SCYL3: variants seen among roughly 807,000 people sequenced by gnomAD.
SCYL3 encodes the protein protein-associating with the carboxyl-terminal domain of ezrin.
Under a neutral mutation model 73.8 loss-of-function variants are expected in SCYL3, and 35 were observed. The ratio of observed to expected loss-of-function variants is 0.47; its 90% CI spans 0.36 to 0.63. The LOEUF is 0.63. Among genes scored for constraint, SCYL3 ranks in the 20% least tolerant of loss-of-function variants. SCYL3 has a pLI of 0.00. For missense variants in SCYL3, 712 were observed against 798.9 expected, an observed-to-expected ratio of 0.89 and a Z score of 1.31; for synonymous variants, 277 against 295.2, an observed-to-expected ratio of 0.94 and a Z score of 0.63.
intron 1 of SCYL3, among the ~76,000 whole-genome samples, chr1:169,891,732 AT>A (rs1268399409): frequency 3.3e-5 from 5 of 152,234 alleles, no homozygotes; most frequent in African/African-American, 1.2e-4. Context: ...TGCCACCAGG[AT>A]TCAGGGTCAG....
At chr1:169,887,308 G>C (rs1010020184) in intron 2 of SCYL3, among the ~76,000 whole-genome samples, 2 of 150,532 alleles carry the variant, frequency 1.3e-5, no homozygotes, top group African/African-American at 4.9e-5. Flanking sequence ...CAGCACAGAA[G>C]TCCTCAAAAA....
At chr1:169,876,440 A>G (rs1660822858) in intron 3 of SCYL3, among the ~76,000 whole-genome samples, 1 of 152,232 alleles carries the variant, frequency 6.6e-6, no homozygotes, top group South Asian at 2.1e-4. Flanking sequence ...TTAAACATAC[A>G]TTTACAAGTC....
intron 2 of SCYL3, among the ~76,000 whole-genome samples, chr1:169,881,535 TC>T (rs1283967073): frequency 1.3e-5 from 2 of 152,194 alleles, no homozygotes; most frequent in African/African-American, 4.8e-5. Context: ...ATATCTTCTA[TC>T]TTGTATCTTC....
At position 169,849,873 on chromosome 1, in the gene SCYL3, TCC is replaced by T. The variant is rs1657884844; in HGVS notation, c.*3838_*3839del. On this transcript the variant is annotated 3_prime_UTR_variant, in exon 13 of 13. Transcript: ENST00000367771. ...ATACAGACAGACACAGACACAGTCT[TCC>T]AGCAGATAGTATTTTTGGGTCAAAT... is the stretch of plus-strand genomic sequence containing the variant. 2.0e-6 allele frequency: 1 copy of T among 488,364 alleles called. No homozygotes were observed. Among genetic ancestry groups the T allele is most frequent in the Non-Finnish European group, 3.7e-6 (1 of 273,214 alleles). The allele number at this position is 488,364 out of a possible 1,614,324, so 30.3% of individuals were successfully genotyped here. A position where few individuals can be genotyped will look rare whatever the true frequency, so the allele number is the denominator to read the frequency against.
At chr1:169,874,261 T>C (rs1265359215) in intron 4 of SCYL3, among the ~76,000 whole-genome samples, 4 of 152,150 alleles carry the variant, frequency 2.6e-5, no homozygotes, top group East Asian at 1.9e-4. Context: ...AAGACTATTT[T>C]TGAAGAGCCT....
At position 169,859,116 on chromosome 1, in the gene SCYL3, C is replaced by T. The variant is rs1558119605; in HGVS notation, c.1237G>A (p.Val413Met). ...AAGATCTTGGTTCGTTCTCCTCCCA[C>T]AACCACCTCTGGTCCAAGCAGAGAG... ...LVSLLGPEVV[V>M]GGERTKIFKR... Residue 413 changes from valine (V) to methionine (M), a missense_variant, in exon 11 of 13, where the codon GTG (valine) becomes ATG (methionine). By Grantham distance (21) the Val-to-Met change is conservative. Coordinates refer to ENST00000367771, the MANE Select transcript of SCYL3 (RefSeq NM_020423.7). 6.2e-7 allele frequency: 1 copy of T among 1,614,100 alleles called. No homozygotes were observed. Among genetic ancestry groups the T allele is most frequent in the South Asian group, 1.1e-5 (1 of 91,082 alleles).
intron 8 of SCYL3, 107 bp downstream of exon 8, chr1:169,866,789 A>G: frequency 1.4e-6 from 1 of 690,466 alleles, no homozygotes; most frequent in South Asian, 1.7e-5. Flanking sequence ...TGTTCAATAA[A>G]TGTGAAATAA....
At chr1:169,878,946 C>G (rs973454982) in intron 2 of SCYL3, 127 bp from the exon 3 acceptor site, 5 of 706,190 alleles carry the variant, frequency 7.1e-6, no homozygotes, top group Non-Finnish European at 1.2e-5. Flanking sequence ...CCCTACCTTC[C>G]TCCCTACCCA....
Position 169,886,700 on chromosome 1 carries a change from GTCA to G in SCYL3, c.165+1973_165+1975del, listed in dbSNP as rs377484148. On this transcript the variant is annotated intron_variant, in intron 2 of 12. Transcript: ENST00000367771. ...ACTGTTTATAGGCTTACATATATGA[GTCA>G]TCATCATCAGTTAGCAAATTATACT... Among the ~76,000 whole-genome samples the G allele has an allele frequency of 1.4e-3, 212 of 152,274 alleles. 1 individual carries two copies. The highest frequency in any genetic ancestry group is 4.9e-3 in the African/African-American group (204 of 41,550).
chr1:169,853,640 G>A lies in SCYL3; in HGVS notation c.*73C>T. 6.5e-7 allele frequency: 1 copy of A among 1,531,544 alleles called. No individual in the cohort carries two copies. Among genetic ancestry groups the A allele is most frequent in the South Asian group, 1.1e-5 (1 of 87,862 alleles). The allele number at this position is 1,531,544 out of a possible 1,614,324, so 94.9% of individuals were successfully genotyped here. A position where few individuals can be genotyped will look rare whatever the true frequency, so the allele number is the denominator to read the frequency against. ...CACTTTGGGGTTTTCTTGTCCCAAA[G>A]CCTGCTTTTGAGGTATTGATTTTTT... On this transcript the variant is annotated 3_prime_UTR_variant, in exon 13 of 13. Coordinates refer to ENST00000367771, the MANE Select transcript of SCYL3 (RefSeq NM_020423.7).
intron 2 of SCYL3, among the ~76,000 whole-genome samples, chr1:169,883,519 C>G (rs1352640350): frequency 6.6e-6 from 1 of 152,090 alleles, no homozygotes; most frequent in Admixed American, 6.5e-5. Flanking sequence ...GAAGATAACC[C>G]TCAATATATT....
intron 7 of SCYL3, among the ~76,000 whole-genome samples, chr1:169,867,889 A>G (rs1388024731): frequency 6.6e-6 from 1 of 152,204 alleles, no homozygotes; most frequent in Non-Finnish European, 1.5e-5. Flanking sequence ...GTGATGAGAG[A>G]ATCTATTTAC....
At chr1:169,883,909 A>C (rs1661487268) in intron 2 of SCYL3, among the ~76,000 whole-genome samples, 1 of 151,856 alleles carries the variant, frequency 6.6e-6, no homozygotes, top group South Asian at 2.1e-4. Flanking sequence ...TTTAGTAGAG[A>C]TGGGGTTTCA....
intron 1 of SCYL3, among the ~76,000 whole-genome samples, chr1:169,889,754 T>TTGA (rs757944748): frequency 6.6e-6 from 1 of 152,202 alleles, no homozygotes. Flanking sequence ...ATTCATTATC[T>TTGA]TGATGATGAT....
intron 2 of SCYL3, among the ~76,000 whole-genome samples, chr1:169,880,740 A>G (rs1661179870): frequency 6.6e-6 from 1 of 151,006 alleles, no homozygotes; most frequent in Admixed American, 6.6e-5. Context: ...AACAGTAAAT[A>G]TTACAATAAA....
At position 169,851,064 on chromosome 1, in the gene SCYL3, T is replaced by C. The variant is rs1658231335; in HGVS notation, c.*2649A>G. On this transcript the variant is annotated 3_prime_UTR_variant, in exon 13 of 13. Transcript: ENST00000367771. Reference sequence around the variant, plus strand: ...AGGGCCCTTTTTTTTTTTTTTTTTTTTTTTTTTTTGGCATGGCTTTTTTAT... The same window carrying C: ...AGGGCCCTTTTTTTTTTTTTTTTTTCTTTTTTTTTGGCATGGCTTTTTTAT... 1 of 101,634 alleles carries C rather than the reference T, an allele frequency of 9.8e-6. No homozygotes were observed. The highest frequency in any genetic ancestry group is 1.1e-4 in the Admixed American group (1 of 9,056). 6.3% of individuals were successfully genotyped at this position (101,634 alleles called of 1,614,324 possible).
intron 1 of SCYL3, among the ~76,000 whole-genome samples, chr1:169,892,579 A>G (rs1263814357): frequency 6.6e-6 from 1 of 152,260 alleles, no homozygotes; most frequent in African/African-American, 2.4e-5. Flanking sequence ...AAGGTAGAAA[A>G]GGATATCCTA....
In SCYL3 at chr1:169,888,865, C is replaced by A; in HGVS notation, c.-25G>T. ...TCCCTTATGCAGTGAGGCAGTACTG[C>A]CACTCTTCCTCAAAGCCAAGCAGAT... On this transcript the variant is annotated 5_prime_UTR_variant, in exon 2 of 13. Coordinates refer to ENST00000367771, the MANE Select transcript of SCYL3 (RefSeq NM_020423.7). 1.9e-6 allele frequency: 3 copies of A among 1,546,518 alleles called. No individual in the cohort carries two copies. Among genetic ancestry groups the A allele is most frequent in the South Asian group, 2.6e-5 (2 of 78,418 alleles).
At chr1:169,891,645 T>C (rs1402476874) in intron 1 of SCYL3, among the ~76,000 whole-genome samples, 1 of 152,224 alleles carries the variant, frequency 6.6e-6, no homozygotes, top group African/African-American at 2.4e-5. Flanking sequence ...AGGGACTGTA[T>C]ATTAATGAAT....
Sources: gnomAD v4.1 joint callset for allele counts (sites outside exome capture counted in the v4.1 genomes callset) on GRCh38, gnomAD v4.1.1 for gene constraint, MANE v1.5 for transcripts, NCBI Gene and HGNC (gene_info 2026-07-23, HGNC 2026-07-21) for gene names.